The following GAS2 variants were observed in gnomAD, a reference collection of about 807,000 sequenced individuals.
GAS2 encodes growth arrest-specific protein 2.
Under a neutral mutation model 37.5 loss-of-function variants are expected in GAS2, and 20 were observed. That is an observed-to-expected ratio of 0.53 (90% CI 0.37 to 0.77). The LOEUF (loss-of-function observed/expected upper bound fraction) is 0.77, where lower values mean the gene tolerates loss of function less well. GAS2 is among the 30% of genes least tolerant of loss of function. The pLI, the probability that GAS2 is intolerant of heterozygous loss-of-function variation, is 0.00. For missense variants in GAS2, 336 were observed against 373.4 expected (o/e 0.90, Z 0.82); for synonymous variants, 144 against 132.2 (o/e 1.09, Z -0.61).
intron 7 of GAS2, among the ~76,000 whole-genome samples, chr11:22,760,130 A>C (rs1854293387): frequency 8.3e-6 from 1 of 120,770 alleles, no homozygotes; most frequent in Non-Finnish European, 1.9e-5. Context: ...CTAATTTTTA[A>C]TTTTTAATTT....
At chr11:22,728,764 C>T (rs1417546991) in intron 4 of GAS2, among the ~76,000 whole-genome samples, 1 of 151,488 alleles carries the variant, frequency 6.6e-6, no homozygotes, top group Admixed American at 6.6e-5. Context: ...ATGGCATTGA[C>T]TTTAGGATTA....
upstream of GAS2, among the ~76,000 whole-genome samples, chr11:22,663,588 G>A (rs1005569107): frequency 3.3e-5 from 5 of 151,996 alleles, no homozygotes; most frequent in East Asian, 3.9e-4. Flanking sequence ...TTATGCTACT[G>A]TTGTGTTGTA....
chr11:22,682,969 T>G (rs1169033897), intron 2 of GAS2, among the ~76,000 whole-genome samples: 1 of 151,782 alleles, frequency 6.6e-6, no homozygotes, highest in Non-Finnish European at 1.5e-5. Context: ...TTTTTTGTAT[T>G]TTGGGCATGC....
At chr11:22,694,112 G>A (rs891679529) in intron 3 of GAS2, among the ~76,000 whole-genome samples, 1 of 152,026 alleles carries the variant, frequency 6.6e-6, no homozygotes, top group Non-Finnish European at 1.5e-5. Context: ...CAAACCCTCT[G>A]ACACAAGTTT....
At chr11:22,731,176 T>G (rs1019251922) in intron 4 of GAS2, among the ~76,000 whole-genome samples, 1 of 151,604 alleles carries the variant, frequency 6.6e-6, no homozygotes, top group Non-Finnish European at 1.5e-5. Flanking sequence ...CAAGTTAACT[T>G]TTTTTCCTAG....
intron 2 of GAS2, 45 bp from the exon 3 acceptor site, chr11:22,685,623 T>C: frequency 1.3e-6 from 2 of 1,592,654 alleles, no homozygotes; most frequent in East Asian, 4.5e-5. Flanking sequence ...AGTGTGAATC[T>C]GACATTTGAT....
intron 4 of GAS2, chr11:22,731,454 A>T (rs558156196): frequency 3.6e-4 from 115 of 322,898 alleles, no homozygotes; most frequent in African/African-American, 2.0e-3. Context: ...TATAACTTTT[A>T]AAAAAATTTA....
At chr11:22,774,209 G>T (rs10833810) in intron 7 of GAS2, among the ~76,000 whole-genome samples, 116,730 of 151,982 alleles carry the variant, frequency 0.77, 45,049 homozygotes, top group Middle Eastern at 0.91. Flanking sequence ...GGTCAGGCTG[G>T]TCTCGAACTC....
At chr11:22,650,853 G>A (rs972041045) in intron 1 of GAS2, among the ~76,000 whole-genome samples, 8 of 151,560 alleles carry the variant, frequency 5.3e-5, no homozygotes, top group African/African-American at 1.2e-4. Flanking sequence ...GCACACTGAT[G>A]GATCTTGACT....
chr11:22,717,022 C>T (rs1186383929), intron 3 of GAS2, among the ~76,000 whole-genome samples: 1 of 152,110 alleles, frequency 6.6e-6, no homozygotes, highest in Non-Finnish European at 1.5e-5. Flanking sequence ...GGAAACACAT[C>T]CCATGCTCAT....
intron 5 of GAS2, among the ~76,000 whole-genome samples, chr11:22,745,444 TA>T (rs1853339536): frequency 6.6e-6 from 1 of 152,156 alleles, no homozygotes; most frequent in African/African-American, 2.4e-5. Context: ...TACCAATCAC[TA>T]TATACAAAAA....
At chr11:22,791,871 T>C (rs1159404860) in intron 7 of GAS2, among the ~76,000 whole-genome samples, 1 of 152,192 alleles carries the variant, frequency 6.6e-6, no homozygotes, top group African/African-American at 2.4e-5. Context: ...CTGAGCTGAA[T>C]TGAAAACAAT....
chr11:22,702,996 G>A (rs1850924623), intron 3 of GAS2, among the ~76,000 whole-genome samples: 2 of 152,032 alleles, frequency 1.3e-5, no homozygotes, highest in African/African-American at 4.8e-5. Flanking sequence ...AATAACAGTT[G>A]CATTAAAGGC....
At chr11:22,789,281 CAT>C (rs1210684540) in intron 7 of GAS2, among the ~76,000 whole-genome samples, 2,653 of 109,786 alleles carry the variant, frequency 0.024, 107 homozygotes, top group African/African-American at 0.082. Flanking sequence ...GCCTAGATTT[CAT>C]ATATATATAT....
chr11:22,695,044 G>T (rs1850429802), intron 3 of GAS2, among the ~76,000 whole-genome samples: 1 of 152,142 alleles, frequency 6.6e-6, no homozygotes, highest in African/African-American at 2.4e-5. Context: ...GTTCGGCTGG[G>T]TGCGGTGGCT....
chr11:22,698,811 T>G (rs1850677807), intron 3 of GAS2, among the ~76,000 whole-genome samples: 1 of 152,260 alleles, frequency 6.6e-6, no homozygotes, highest in South Asian at 2.1e-4. Context: ...AACAAGAATA[T>G]TTAAGAAAAT....
chr11:22,677,186 G>A (rs189514908), intron 2 of GAS2, among the ~76,000 whole-genome samples: 1 of 152,100 alleles, frequency 6.6e-6, no homozygotes, highest in African/African-American at 2.4e-5. Flanking sequence ...ACTGAGGTGG[G>A]AGTAGGGCAA....
At chr11:22,759,338 A>G (rs770513232) in intron 7 of GAS2, among the ~76,000 whole-genome samples, 1 of 152,224 alleles carries the variant, frequency 6.6e-6, no homozygotes, top group Non-Finnish European at 1.5e-5. Flanking sequence ...TTTTGTAGAC[A>G]GGCTTGTTTA....
chr11:22,716,986 A>G (rs1851711155), intron 3 of GAS2, among the ~76,000 whole-genome samples: 1 of 152,220 alleles, frequency 6.6e-6, no homozygotes, highest in Non-Finnish European at 1.5e-5. Context: ...CACTACGGAA[A>G]GAAATCATAG....
Sources: gnomAD v4.1 joint callset for allele counts (sites outside exome capture counted in the v4.1 genomes callset) on GRCh38, gnomAD v4.1.1 for gene constraint, MANE v1.5 for transcripts, NCBI Gene and HGNC (gene_info 2026-07-23, HGNC 2026-07-21) for gene names.